Variants in CCDC141 observed in about 807,000 individuals in gnomAD.
CCDC141 encodes coiled-coil domain containing 141, also known as coiled-coil domain-containing protein 141.
A neutral mutation model predicts 181.0 loss-of-function variants in CCDC141; 168 were observed. The observed-to-expected ratio is 0.93, with a 90% CI of 0.82 to 1.05. CCDC141 has a LOEUF of 1.05. Ranked by LOEUF, CCDC141 falls within the 50% of genes least tolerant of loss-of-function variation. CCDC141 has a pLI of 0.00. For synonymous variants in CCDC141, 666 were observed against 642.3 expected (o/e 1.04, Z -0.56); for missense variants, 1,902 against 1,788.5 (o/e 1.06, Z -1.14).
At chr2:178,853,827 T>C (rs1016395142) in intron 19 of CCDC141, among the ~76,000 whole-genome samples, 4 of 152,152 alleles carry the variant, frequency 2.6e-5, no homozygotes, top group African/African-American at 9.7e-5. Context: ...TAAATACAAA[T>C]GTGAAAATAT....
At chr2:178,836,853 A>C in intron 23 of CCDC141, 41 bp downstream of exon 23, 1 of 1,566,310 alleles carries the variant, frequency 6.4e-7, no homozygotes, top group African/African-American at 1.4e-5. Context: ...TCTGTGATTG[A>C]ATTTGTTTCC....
At chr2:178,963,570 A>C (rs1021885826) in intron 4 of CCDC141, among the ~76,000 whole-genome samples, 2 of 152,062 alleles carry the variant, frequency 1.3e-5, no homozygotes, top group Admixed American at 1.3e-4. Context: ...ATAGGGATGC[A>C]CTCAACTACA....
chr2:178,909,998 A>G (rs1688152837), intron 7 of CCDC141, among the ~76,000 whole-genome samples: 1 of 152,158 alleles, frequency 6.6e-6, no homozygotes, highest in Non-Finnish European at 1.5e-5. Flanking sequence ...TGTACTATTC[A>G]GTTTTTAGGC....
intron 22 of CCDC141, among the ~76,000 whole-genome samples, chr2:178,844,497 G>GTAGC (rs767089458): frequency 1.3e-5 from 2 of 152,136 alleles, no homozygotes; most frequent in African/African-American, 2.4e-5. Flanking sequence ...TGATACAAGA[G>GTAGC]TAGCATCCAG....
chr2:178,984,843 T>A (rs1457054007), intron 2 of CCDC141, among the ~76,000 whole-genome samples: 1 of 152,022 alleles, frequency 6.6e-6, no homozygotes, highest in East Asian at 1.9e-4. Flanking sequence ...ACGAAGAGAC[T>A]TAGACTCCCA....
intron 6 of CCDC141, among the ~76,000 whole-genome samples, chr2:178,922,466 A>G (rs1688734424): frequency 6.6e-6 from 1 of 152,192 alleles, no homozygotes. Context: ...TAACCATATT[A>G]TTTTGGAATT....
At position 178,975,056 on chromosome 2, in the gene CCDC141, C is replaced by T. The variant is rs1297930325; in HGVS notation, c.526+1G>A. The T allele has an allele frequency of 1.4e-6, 2 of 1,425,440 alleles. No individual in the cohort carries two copies. The highest frequency in any genetic ancestry group is 2.8e-5 in the African/African-American group (2 of 71,066). 88.3% of individuals were successfully genotyped at this position (1,425,440 alleles called of 1,614,324 possible). On this transcript the variant is annotated splice_donor_variant, in intron 4 of 23. Transcript: ENST00000443758. LOFTEE classifies it high-confidence loss of function. ...CTGTGAGAAATAAACATATTTCTTG[C>T]CTTTAGTATGATGTTCATGAAGCTG...
chr2:179,037,164 G>T (rs1321398628), intron 2 of CCDC141, among the ~76,000 whole-genome samples: 1 of 152,206 alleles, frequency 6.6e-6, no homozygotes, highest in African/African-American at 2.4e-5. Context: ...CCATAGTTCA[G>T]TGGATCTGTG....
At chr2:178,918,616 G>A (rs965208441) in intron 7 of CCDC141, 97 bp downstream of exon 7, 9 of 962,752 alleles carry the variant, frequency 9.3e-6, no homozygotes, top group Admixed American at 2.9e-5. Flanking sequence ...TTTACATGGC[G>A]TTTTGACTTC....
chr2:178,927,968 T>G (rs1028650876), intron 6 of CCDC141, among the ~76,000 whole-genome samples: 1 of 152,108 alleles, frequency 6.6e-6, no homozygotes. Context: ...GCACGAAGGT[T>G]TTGGACTAGT....
At chr2:179,003,811 A>C (rs1177908173) in intron 2 of CCDC141, among the ~76,000 whole-genome samples, 1 of 152,224 alleles carries the variant, frequency 6.6e-6, no homozygotes, top group Non-Finnish European at 1.5e-5. Context: ...AATCCAAGTA[A>C]CAATGATTTA....
intron 2 of CCDC141, among the ~76,000 whole-genome samples, chr2:179,034,502 T>TA (rs1395361692): frequency 1.2e-4 from 19 of 152,184 alleles, no homozygotes; most frequent in Non-Finnish European, 2.6e-4. Flanking sequence ...ACTTAAGTTT[T>TA]AAAAAATGTG....
At chr2:178,911,076 G>T (rs1214742430) in intron 7 of CCDC141, among the ~76,000 whole-genome samples, 1 of 152,276 alleles carries the variant, frequency 6.6e-6, no homozygotes, top group East Asian at 1.9e-4. Context: ...ATGACTTTAA[G>T]ATGATCTTGG....
chr2:179,015,715 A>G (rs1034760064), intron 2 of CCDC141, among the ~76,000 whole-genome samples: 3 of 139,664 alleles, frequency 2.1e-5, no homozygotes, highest in African/African-American at 7.8e-5. Context: ...TATCTCATAC[A>G]TATCTCATAT....
intron 13 of CCDC141, 58 bp downstream of exon 13, chr2:178,872,075 C>A: frequency 6.5e-7 from 1 of 1,537,408 alleles, no homozygotes; most frequent in South Asian, 1.2e-5. Context: ...AAGGTTCGCT[C>A]ATGTTAGCCT....
chr2:178,992,304 G>T (rs1692090967), intron 2 of CCDC141, among the ~76,000 whole-genome samples: 2 of 139,628 alleles, frequency 1.4e-5, no homozygotes, highest in South Asian at 2.3e-4. Context: ...TATTATTGGA[G>T]AAATTTTTAT....
chr2:179,040,709 T>C (rs1317609978), intron 2 of CCDC141, among the ~76,000 whole-genome samples: 1 of 152,220 alleles, frequency 6.6e-6, no homozygotes, highest in Non-Finnish European at 1.5e-5. Flanking sequence ...GCAAAGGACA[T>C]GATCTCATTC....
intron 2 of CCDC141, among the ~76,000 whole-genome samples, chr2:179,043,746 T>C (rs532694190): frequency 4.1e-4 from 62 of 152,304 alleles, no homozygotes; most frequent in Non-Finnish European, 7.1e-4. Context: ...GCTGGAAGCA[T>C]TCTCCTCGTA....
intron 2 of CCDC141, among the ~76,000 whole-genome samples, chr2:179,004,288 T>G (rs2042063117): frequency 6.6e-6 from 1 of 152,196 alleles, no homozygotes; most frequent in African/African-American, 2.4e-5. Context: ...TGAACATATG[T>G]GAGAGCAAAC....
Sources: allele counts gnomAD v4.1 joint callset (sites outside exome capture counted in the v4.1 genomes callset), GRCh38; gene constraint gnomAD v4.1.1; transcripts MANE v1.5; gene names NCBI Gene and HGNC (gene_info 2026-07-23, HGNC 2026-07-21).